The following NEDD4L variants were observed in gnomAD, a reference collection of about 807,000 sequenced individuals.
NEDD4L encodes the protein NEDD4 like E3 ubiquitin protein ligase, also known as E3 ubiquitin-protein ligase NEDD4-like.
A neutral mutation model predicts 148.9 loss-of-function variants in NEDD4L; 54 were observed. That is an observed-to-expected ratio of 0.36 (90% CI 0.29 to 0.45). The LOEUF is 0.45. NEDD4L is among the 20% of genes least tolerant of loss of function. The pLI, the probability that NEDD4L is intolerant of heterozygous loss-of-function variation, is 1.00. For missense variants in NEDD4L, 856 were observed against 1,233.8 expected (o/e 0.69, Z 4.59); for synonymous variants, 433 against 440.7 (o/e 0.98, Z 0.22).
At position 58,396,149 on chromosome 18, in the gene NEDD4L, T is replaced by C. The variant is rs774410779; in HGVS notation, c.2826-18T>C. Reference sequence around the variant, plus strand: ...TGCTGTTGTGGCTTTTCACCTACACTTTTTGTTCCTTTTGCAGCTTTAATC... The same window carrying C: ...TGCTGTTGTGGCTTTTCACCTACACCTTTTGTTCCTTTTGCAGCTTTAATC... On this transcript the variant is annotated intron_variant, in intron 30 of 30. Transcript: ENST00000400345. 7.0e-6 allele frequency: 11 copies of C among 1,582,134 alleles called. No homozygotes were observed. Among genetic ancestry groups the C allele is most frequent in the African/African-American group, 2.7e-5 (2 of 74,304 alleles).
chr18:58,195,770 C>A (rs759230577), intron 2 of NEDD4L: 2 of 1,223,982 alleles, frequency 1.6e-6, no homozygotes, highest in African/African-American at 3.1e-5. Flanking sequence ...CTTTATTACT[C>A]GATTAGTGCC....
intron 5 of NEDD4L, among the ~76,000 whole-genome samples, chr18:58,307,936 CT>C (rs1243350576): frequency 6.6e-6 from 1 of 152,018 alleles, no homozygotes; most frequent in Non-Finnish European, 1.5e-5. Flanking sequence ...CTATTTTTTC[CT>C]TGATACATTT....
chr18:58,379,345 C>A (rs915842567), intron 24 of NEDD4L, among the ~76,000 whole-genome samples: 1 of 152,222 alleles, frequency 6.6e-6, no homozygotes, highest in Non-Finnish European at 1.5e-5. Flanking sequence ...GAGAGCAGCC[C>A]CTGTGTGACG....
intron 1 of NEDD4L, among the ~76,000 whole-genome samples, chr18:58,109,577 T>G (rs1303298920): frequency 6.8e-6 from 1 of 147,598 alleles, no homozygotes; most frequent in Non-Finnish European, 1.5e-5. Context: ...TTTTTGTTTT[T>G]TTTTTTTTTT....
At chr18:58,150,344 C>T (rs1227079768) in intron 1 of NEDD4L, among the ~76,000 whole-genome samples, 2 of 152,344 alleles carry the variant, frequency 1.3e-5, no homozygotes, top group Non-Finnish European at 1.5e-5. Flanking sequence ...AAGCAATTCT[C>T]CTGCCTCAGC....
At position 58,396,310 on chromosome 18, in the gene NEDD4L, C is replaced by T. The variant is rs190607941; in HGVS notation, c.*41C>T. ...GGGGTGGTTGTTCTTCAAGCAAGTT[C>T]TGCTTGCACTTTTGCATTTGCCTAA... On this transcript the variant is annotated 3_prime_UTR_variant, in exon 31 of 31. Coordinates refer to ENST00000400345, the MANE Select transcript of NEDD4L (RefSeq NM_001144967.3). The T allele has an allele frequency of 7.4e-7, 1 of 1,357,182 alleles. No homozygotes were observed. The highest frequency in any genetic ancestry group is 2.3e-5 in the East Asian group (1 of 42,976). 84.1% of individuals were successfully genotyped at this position (1,357,182 alleles called of 1,614,324 possible).
At chr18:58,344,961 C>T (rs2042865834) in intron 16 of NEDD4L, among the ~76,000 whole-genome samples, 1 of 152,174 alleles carries the variant, frequency 6.6e-6, no homozygotes, top group Non-Finnish European at 1.5e-5. Flanking sequence ...TTTTCACAGC[C>T]TTTCAAGCCA....
At chr18:58,120,629 A>C (rs1210938236) in intron 1 of NEDD4L, among the ~76,000 whole-genome samples, 1 of 152,038 alleles carries the variant, frequency 6.6e-6, no homozygotes, top group African/African-American at 2.4e-5. Flanking sequence ...AATACAAAAA[A>C]ATTAGCCAGG....
chr18:58,194,355 C>T (rs746896414), intron 2 of NEDD4L, among the ~76,000 whole-genome samples: 1 of 152,242 alleles, frequency 6.6e-6, no homozygotes, highest in Non-Finnish European at 1.5e-5. Context: ...GCCGGTCACC[C>T]ATGCCCTGGT....
intron 2 of NEDD4L, among the ~76,000 whole-genome samples, chr18:58,231,753 G>A (rs1431511770): frequency 6.6e-6 from 1 of 151,922 alleles, no homozygotes; most frequent in Non-Finnish European, 1.5e-5. Flanking sequence ...TAGTAGAGAT[G>A]GGGCTTCACC....
intron 25 of NEDD4L, 75 bp from the exon 26 acceptor site, chr18:58,385,451 C>T (rs2048886669): frequency 8.4e-7 from 1 of 1,191,466 alleles, no homozygotes; most frequent in Non-Finnish European, 1.3e-6. Context: ...AGGAGAAGCA[C>T]TCCCTGTTGC....
intron 1 of NEDD4L, among the ~76,000 whole-genome samples, chr18:58,050,833 A>G (rs1204405469): frequency 2.0e-5 from 3 of 152,202 alleles, no homozygotes; most frequent in Non-Finnish European, 4.4e-5. Context: ...TCCTCAGATG[A>G]CTGTAGTTTC....
At position 58,109,761 on chromosome 18, in the gene NEDD4L, G is replaced by A. The variant is rs373557898; in HGVS notation, c.49-56027G>A. ...AATTTTGTATTTTTAGTAGAGACGG[G>A]GTTTCGCCATGTTGGCCAGGCTGGT... is the stretch of plus-strand genomic sequence containing the variant. On this transcript the variant is annotated intron_variant, in intron 1 of 30. Transcript: ENST00000400345. Among the ~76,000 whole-genome samples, 45 of 152,000 alleles carry A rather than the reference G, an allele frequency of 3.0e-4. No individual in the cohort carries two copies. In the South Asian group the frequency reaches 8.6e-3, roughly 29 times the overall value.
intron 5 of NEDD4L, among the ~76,000 whole-genome samples, chr18:58,272,463 T>C (rs571401018): frequency 6.6e-6 from 1 of 152,060 alleles, no homozygotes; most frequent in South Asian, 2.1e-4. Context: ...TGGCAAAACC[T>C]TGTCTCTCCA....
At chr18:58,122,876 G>GT (rs1399388149) in intron 1 of NEDD4L, among the ~76,000 whole-genome samples, 2 of 151,980 alleles carry the variant, frequency 1.3e-5, no homozygotes, top group African/African-American at 4.8e-5. Flanking sequence ...GGGATTACAG[G>GT]TGTGTGCCAC....
At chr18:58,272,088 C>G (rs894050951) in intron 5 of NEDD4L, among the ~76,000 whole-genome samples, 5 of 151,976 alleles carry the variant, frequency 3.3e-5, no homozygotes, top group African/African-American at 1.2e-4. Context: ...TGAATTTTTC[C>G]ACGTTAGACT....
intron 14 of NEDD4L, 66 bp from the exon 15 acceptor site, chr18:58,341,612 G>C: frequency 1.3e-6 from 2 of 1,550,368 alleles, no homozygotes; most frequent in East Asian, 2.4e-5. Context: ...GTTTGGGTTC[G>C]CGCTCCTAAT....
intron 24 of NEDD4L, among the ~76,000 whole-genome samples, chr18:58,382,411 G>GA (rs1189498909): frequency 1.3e-5 from 2 of 152,142 alleles, no homozygotes; most frequent in African/African-American, 4.8e-5. Flanking sequence ...GCAGGCAGAG[G>GA]AAAAAAGATT....
intron 1 of NEDD4L, among the ~76,000 whole-genome samples, chr18:58,052,632 CA>C (rs1458824740): frequency 2.3e-5 from 3 of 128,156 alleles, no homozygotes; most frequent in Admixed American, 9.0e-5. Flanking sequence ...AAGGGCCATT[CA>C]AAAGTGAGTT....
Sources: allele counts gnomAD v4.1 joint callset (sites outside exome capture counted in the v4.1 genomes callset), GRCh38; gene constraint gnomAD v4.1.1; transcripts MANE v1.5; gene names NCBI Gene and HGNC (gene_info 2026-07-23, HGNC 2026-07-21).